The following ADAMTS16 variants were observed in gnomAD, a reference collection of about 807,000 sequenced individuals.
The protein encoded by ADAMTS16 is ADAM metallopeptidase with thrombospondin type 1 motif 16, also known as A disintegrin and metalloproteinase with thrombospondin motifs 16.
A neutral mutation model predicts 145.8 loss-of-function variants in ADAMTS16; 94 were observed. The observed-to-expected ratio is 0.64, with a 90% CI of 0.55 to 0.77. ADAMTS16 has a LOEUF of 0.77. ADAMTS16 is among the 30% of genes least tolerant of loss of function. The pLI is 0.00. For synonymous variants in ADAMTS16, 659 were observed against 604.3 expected (o/e 1.09, Z -1.33); for missense variants, 1,585 against 1,591.5 (o/e 1.00, Z 0.07).
chr5:5,199,043 A>G (rs979133152), intron 8 of ADAMTS16, among the ~76,000 whole-genome samples: 7 of 152,120 alleles, frequency 4.6e-5, no homozygotes, highest in Non-Finnish European at 1.0e-4. Flanking sequence ...GCAAGAATGT[A>G]TTTACCTTAA....
intron 18 of ADAMTS16, among the ~76,000 whole-genome samples, chr5:5,268,734 T>C (rs1488621118): frequency 6.6e-6 from 1 of 152,182 alleles, no homozygotes; most frequent in Non-Finnish European, 1.5e-5. Context: ...GATGTGAGCC[T>C]ATGCCCTCCA....
chr5:5,164,621 G>C (rs555719118), intron 3 of ADAMTS16, among the ~76,000 whole-genome samples: 1 of 152,288 alleles, frequency 6.6e-6, no homozygotes, highest in African/African-American at 2.4e-5. Flanking sequence ...CCAGCCCTGG[G>C]CTCACCGTGT....
intron 14 of ADAMTS16, 119 bp downstream of exon 14, chr5:5,237,218 GC>G: frequency 9.5e-7 from 1 of 1,048,140 alleles, no homozygotes; most frequent in Non-Finnish European, 1.3e-6. Flanking sequence ...CTAAGTTGCA[GC>G]CCAGTGGGGA....
At chr5:5,264,760 C>A (rs914177389) in intron 18 of ADAMTS16, among the ~76,000 whole-genome samples, 1 of 147,366 alleles carries the variant, frequency 6.8e-6, no homozygotes, top group African/African-American at 2.5e-5. Context: ...AACCACCACT[C>A]CCCACAATCT....
chr5:5,265,985 A>AGT (rs71604122), intron 18 of ADAMTS16, among the ~76,000 whole-genome samples: 9,200 of 141,360 alleles, frequency 0.065, 395 homozygotes, highest in African/African-American at 0.13. Context: ...GACTTAAAGA[A>AGT]GTGTGTGTGT....
chr5:5,282,409 C>T (rs1356319834), intron 18 of ADAMTS16, among the ~76,000 whole-genome samples: 3 of 152,208 alleles, frequency 2.0e-5, no homozygotes, highest in Non-Finnish European at 4.4e-5. Context: ...AGTTATTCTT[C>T]CAATGCCTAC....
intron 4 of ADAMTS16, among the ~76,000 whole-genome samples, chr5:5,185,210 G>A (rs906354661): frequency 1.3e-5 from 2 of 150,624 alleles, no homozygotes; most frequent in East Asian, 1.9e-4. Flanking sequence ...AAAATGAAAC[G>A]TGTTGGATGT....
intron 4 of ADAMTS16, among the ~76,000 whole-genome samples, chr5:5,183,895 G>C (rs1413425811): frequency 6.6e-6 from 1 of 152,210 alleles, no homozygotes; most frequent in African/African-American, 2.4e-5. Context: ...TTCTGTATTT[G>C]AAAAGTGGAA....
chr5:5,270,409 C>T (rs1738418737), intron 18 of ADAMTS16, among the ~76,000 whole-genome samples: 1 of 152,180 alleles, frequency 6.6e-6, no homozygotes, highest in Non-Finnish European at 1.5e-5. Flanking sequence ...TCGACCCTGC[C>T]TTCCCCACTT....
rs1176722753 is a variant in ADAMTS16, at chr5:5,306,760, G to A, written c.3411+32G>A. The A allele has an allele frequency of 5.2e-6, 8 of 1,548,014 alleles. No individual in the cohort carries two copies. In the African/African-American group the frequency reaches 1.1e-4, roughly 21 times the overall value. On this transcript the variant is annotated intron_variant, in intron 21 of 22. Coordinates refer to ENST00000274181, the MANE Select transcript of ADAMTS16 (RefSeq NM_139056.4). ...GAGGCCCTCGGTTCCTGGAGAGTGG[G>A]CGAGCACAGCTTGGCCTGGGGTTGG...
chr5:5,314,477 C>A (rs1733954143), intron 21 of ADAMTS16, among the ~76,000 whole-genome samples: 1 of 152,146 alleles, frequency 6.6e-6, no homozygotes, highest in East Asian at 1.9e-4. Context: ...GAGTTTTAAG[C>A]CATCGTATTT....
intron 12 of ADAMTS16, among the ~76,000 whole-genome samples, chr5:5,234,097 T>G (rs544455026): frequency 1.3e-5 from 2 of 152,350 alleles, no homozygotes; most frequent in African/African-American, 4.8e-5. Flanking sequence ...TCACTTGGCT[T>G]GTTGTTTCAG....
intron 17 of ADAMTS16, among the ~76,000 whole-genome samples, chr5:5,244,533 G>A (rs1034269861): frequency 6.6e-6 from 1 of 152,180 alleles, no homozygotes; most frequent in Non-Finnish European, 1.5e-5. Flanking sequence ...TGTCTGTGAA[G>A]TTTAAAGATT....
chr5:5,261,135 C>A (rs1738000528), intron 17 of ADAMTS16, among the ~76,000 whole-genome samples: 1 of 152,130 alleles, frequency 6.6e-6, no homozygotes, highest in Non-Finnish European at 1.5e-5. Flanking sequence ...TTTATTTTAT[C>A]CCCTACTGCA....
In ADAMTS16 at chr5:5,269,548, C is replaced by T. The variant is rs893941852; in HGVS notation, c.2789+6765C>T. Reference sequence around the variant, plus strand: ...CAGACTAAAGAGAAGGAAGCAATGACCAGCCCTTCCTCTTGCCAGAATCTC... The same window carrying T: ...CAGACTAAAGAGAAGGAAGCAATGATCAGCCCTTCCTCTTGCCAGAATCTC... On this transcript the variant is annotated intron_variant, in intron 18 of 22. Coordinates refer to ENST00000274181, the MANE Select transcript of ADAMTS16 (RefSeq NM_139056.4). This position sits in a 1 kb window ranked among gnomAD's most constrained non-coding sequence, Gnocchi z 4.3. 7.9e-5 allele frequency among the ~76,000 whole-genome samples: 12 copies of T among 152,174 alleles called. No individual in the cohort carries two copies. The highest frequency in any genetic ancestry group is 2.9e-4 in the African/African-American group (12 of 41,426).
chr5:5,224,148 A>G (rs1178236182), intron 11 of ADAMTS16, among the ~76,000 whole-genome samples: 1 of 152,098 alleles, frequency 6.6e-6, no homozygotes, highest in Non-Finnish European at 1.5e-5. Context: ...TTCTGGACAC[A>G]TTGCTAATAT....
intron 10 of ADAMTS16, among the ~76,000 whole-genome samples, chr5:5,211,814 T>G (rs1736276657): frequency 6.6e-6 from 1 of 152,192 alleles, no homozygotes; most frequent in African/African-American, 2.4e-5. Context: ...ACATATTACG[T>G]AGAAATATAT....
At chr5:5,159,350 C>T (rs1399082846) in intron 3 of ADAMTS16, among the ~76,000 whole-genome samples, 1 of 152,186 alleles carries the variant, frequency 6.6e-6, no homozygotes, top group African/African-American at 2.4e-5. Flanking sequence ...AACCAGCTAG[C>T]TCACTACCCT....
At chr5:5,242,408 A>T (rs1177605592) in intron 17 of ADAMTS16, among the ~76,000 whole-genome samples, 1 of 152,164 alleles carries the variant, frequency 6.6e-6, no homozygotes. Context: ...ACTCTGAGGA[A>T]GTCAGTAGAT....
Sources: allele counts gnomAD v4.1 joint callset (sites outside exome capture counted in the v4.1 genomes callset), GRCh38; gene constraint gnomAD v4.1.1; non-coding constraint Gnocchi (gnomAD v3.1); transcripts MANE v1.5; gene names NCBI Gene and HGNC (gene_info 2026-07-23, HGNC 2026-07-21).